Variants in UBE2O observed in about 807,000 individuals in gnomAD.
UBE2O encodes (E3-independent) E2 ubiquitin-conjugating enzyme.
A neutral mutation model predicts 125.8 loss-of-function variants in UBE2O; 15 were observed. The ratio of observed to expected loss-of-function variants is 0.12; its 90% CI spans 0.08 to 0.18. The LOEUF is 0.18. Among genes scored for constraint, UBE2O ranks in the 10% least tolerant of loss-of-function variants. UBE2O has a pLI of 1.00. For synonymous variants in UBE2O, 708 were observed against 703.2 expected (o/e 1.01, Z -0.11); for missense variants, 1,280 against 1,723.6 (o/e 0.74, Z 4.56).
At position 76,398,272 on chromosome 17, in the gene UBE2O, G is replaced by C. The variant is rs114107891; in HGVS notation, c.2008C>G (p.Pro670Ala). The change falls in exon 12 of 18, where the codon CCT becomes GCT. Residue 670 changes from proline (P) to alanine (A), a missense_variant. Physicochemically the swap from Pro to Ala is conservative, Grantham distance 27 (BLOSUM62 -1). Transcript: ENST00000319380. The surrounding 1 kb of genome is among the most constrained non-coding windows in gnomAD (Gnocchi z 5.4). Reference sequence around the variant, plus strand: ...AGGCGTACCTCATCCTCCTTGTGAGGAGCCCCATCCTCAGTATTGCCGATG... The same window carrying C: ...AGGCGTACCTCATCCTCCTTGTGAGCAGCCCCATCCTCAGTATTGCCGATG... ...IRIGNTEDGA[P>A]HKEDEPSVGQ... 3 of 1,614,066 alleles carry C rather than the reference G, an allele frequency of 1.9e-6. No homozygotes were observed. The African/African-American group carries it at 4.0e-5, about 22-fold the overall frequency.
intron 5 of UBE2O, 70 bp from the exon 6 acceptor site, chr17:76,401,224 C>A: frequency 6.4e-7 from 1 of 1,557,600 alleles, no homozygotes; most frequent in Non-Finnish European, 8.7e-7. Flanking sequence ...CTCTCCACGC[C>A]TGTGCCCGCT....
chr17:76,429,431 A>T (rs2072866764), intron 1 of UBE2O, among the ~76,000 whole-genome samples: 1 of 149,768 alleles, frequency 6.7e-6, no homozygotes, highest in Non-Finnish European at 1.5e-5. Context: ...AATCCCAGCT[A>T]CTTGGGAGGC....
chr17:76,419,789 G>T (rs1010824486), intron 1 of UBE2O, among the ~76,000 whole-genome samples: 4 of 152,230 alleles, frequency 2.6e-5, no homozygotes, highest in African/African-American at 9.6e-5. Flanking sequence ...CCATGCTGTG[G>T]CCCTGAGAAC....
At chr17:76,415,123 T>G (rs1305407145) in intron 1 of UBE2O, among the ~76,000 whole-genome samples, 1 of 152,146 alleles carries the variant, frequency 6.6e-6, no homozygotes, top group Non-Finnish European at 1.5e-5. Flanking sequence ...CGGGCATCCC[T>G]GAGAACAAGA....
intron 1 of UBE2O, among the ~76,000 whole-genome samples, chr17:76,408,181 C>T (rs373720636): frequency 2.8e-4 from 42 of 152,344 alleles, no homozygotes; most frequent in African/African-American, 8.9e-4. Context: ...TCCCTGCCCC[C>T]GTATGCACAA....
At chr17:76,392,689 G>C (rs1234261685) in intron 15 of UBE2O, among the ~76,000 whole-genome samples, 2 of 151,854 alleles carry the variant, frequency 1.3e-5, no homozygotes, top group Non-Finnish European at 2.9e-5. Flanking sequence ...GCGGTGGTTC[G>C]TGCCTGTAAT....
intron 1 of UBE2O, among the ~76,000 whole-genome samples, chr17:76,438,963 C>T (rs996076314): frequency 3.9e-5 from 6 of 152,182 alleles, no homozygotes; most frequent in African/African-American, 1.2e-4. Flanking sequence ...CCTAGCTCCC[C>T]ACATTCCACC....
chr17:76,398,381 C>G lies in UBE2O; in HGVS notation c.1899G>C (p.Leu633=). The G allele has an allele frequency of 6.2e-7, 1 of 1,614,156 alleles. No individual in the cohort carries two copies. Among genetic ancestry groups the G allele is most frequent in the African/African-American group, 1.3e-5 (1 of 75,030 alleles). The part of the protein sequence containing the change: ...KLRPSGDDVE[L]IGEEEDVSVY... ...CACTCACATCTTCCTCTTCTCCAATCAGCTGTGGCACAGGACAGGTTGTCA... is the reference window on the plus strand; with the variant it reads ...CACTCACATCTTCCTCTTCTCCAATGAGCTGTGGCACAGGACAGGTTGTCA... Residue 633 remains leucine (L), a splice_region_variant and synonymous_variant, in exon 12 of 18, where the codon CTG becomes CTC. Transcript: ENST00000319380. This position sits in a 1 kb window ranked among gnomAD's most constrained non-coding sequence, Gnocchi z 5.4.
chr17:76,446,573 C>A (rs1380897421), intron 1 of UBE2O, among the ~76,000 whole-genome samples: 1 of 152,094 alleles, frequency 6.6e-6, no homozygotes, highest in Non-Finnish European at 1.5e-5. Flanking sequence ...CACACGGAAA[C>A]TGAAGGGAAC....
At chr17:76,432,174 G>C (rs1303386252) in intron 1 of UBE2O, among the ~76,000 whole-genome samples, 2 of 152,150 alleles carry the variant, frequency 1.3e-5, no homozygotes, top group Non-Finnish European at 2.9e-5. Context: ...GGAAACTCAA[G>C]GCCCCCTATC....
intron 1 of UBE2O, among the ~76,000 whole-genome samples, chr17:76,406,168 T>C (rs895715248): frequency 5.3e-5 from 8 of 152,240 alleles, no homozygotes; most frequent in Non-Finnish European, 1.0e-4. Context: ...CTCAGGATGG[T>C]TGGCTCTTGG....
intron 1 of UBE2O, among the ~76,000 whole-genome samples, chr17:76,416,367 C>T (rs953253553): frequency 6.6e-6 from 1 of 152,136 alleles, no homozygotes; most frequent in African/African-American, 2.4e-5. Flanking sequence ...TGGGAATCAT[C>T]TGAAAAAGTT....
intron 1 of UBE2O, among the ~76,000 whole-genome samples, chr17:76,428,892 C>A (rs2072856571): frequency 6.6e-6 from 1 of 151,540 alleles, no homozygotes; most frequent in Non-Finnish European, 1.5e-5. Flanking sequence ...GTAGAGGGGA[C>A]CCCTCTACTA....
intron 1 of UBE2O, among the ~76,000 whole-genome samples, chr17:76,451,065 C>T (rs2073232900): frequency 2.0e-5 from 3 of 152,196 alleles, no homozygotes; most frequent in Non-Finnish European, 4.4e-5. Flanking sequence ...ATAAACATAG[C>T]GGCTCCCAGT....
At chr17:76,433,254 T>C (rs951682153) in intron 1 of UBE2O, among the ~76,000 whole-genome samples, 3 of 151,450 alleles carry the variant, frequency 2.0e-5, no homozygotes, top group African/African-American at 2.4e-5. Flanking sequence ...TAGAATATTA[T>C]TCAACAATAA....
intron 1 of UBE2O, among the ~76,000 whole-genome samples, chr17:76,423,946 G>A (rs1304846328): frequency 3.3e-5 from 4 of 121,438 alleles, no homozygotes; most frequent in African/African-American, 1.2e-4. Flanking sequence ...CTGTCACCCA[G>A]GCTGTAGTGC....
At chr17:76,409,832 A>G (rs2072486978) in intron 1 of UBE2O, among the ~76,000 whole-genome samples, 3 of 152,336 alleles carry the variant, frequency 2.0e-5, no homozygotes, top group Middle Eastern at 6.8e-3. Context: ...ATTCTGGCAC[A>G]TGCTAAGCGC....
rs1337030572 is a variant in UBE2O at position 76,396,694 on chromosome 17, A to C, written c.2243T>G (p.Val748Gly). The C allele has an allele frequency of 6.2e-7, 1 of 1,613,764 alleles. No homozygotes were observed. The highest frequency in any genetic ancestry group is 8.5e-7 in the Non-Finnish European group (1 of 1,179,976). The change falls in exon 14 of 18, where the codon GTG (valine) becomes GGG (glycine). Residue 748 changes from valine (V) to glycine (G), a missense_variant. By Grantham distance (109) the Val-to-Gly change is moderately radical. Coordinates refer to ENST00000319380, the MANE Select transcript of UBE2O (RefSeq NM_022066.4). This position sits in a 1 kb window ranked among gnomAD's most constrained non-coding sequence, Gnocchi z 6.7. ...SDSWETDNGL[V>G]EDEHPKIEEP... is the part of the protein sequence containing the mutation. ...CTCTATCTTGGGGTGCTCGTCCTCC[A>C]CCAGCCCATTGTCCGTCTCCCAGCT...
chr17:76,438,606 T>C (rs574809624), intron 1 of UBE2O, among the ~76,000 whole-genome samples: 4 of 152,308 alleles, frequency 2.6e-5, no homozygotes, highest in African/African-American at 7.2e-5. Context: ...ACTCTAATAA[T>C]TGAAAGCTTT....
Sources: gnomAD v4.1 joint callset for allele counts (sites outside exome capture counted in the v4.1 genomes callset) on GRCh38, gnomAD v4.1.1 for gene constraint, Gnocchi (gnomAD v3.1) non-coding constraint, MANE v1.5 for transcripts, NCBI Gene and HGNC (gene_info 2026-07-23, HGNC 2026-07-21) for gene names.